The following HDAC9 variants were observed in gnomAD, a reference collection of about 807,000 sequenced individuals.
The protein encoded by HDAC9 is histone deacetylase 9.
In HDAC9, 41 loss-of-function variants were observed where a neutral mutation model predicts 139.4. The observed-to-expected ratio is 0.29, with a 90% CI of 0.23 to 0.38. The LOEUF (loss-of-function observed/expected upper bound fraction) is 0.38. Ranked by LOEUF, HDAC9 falls within the 10% of genes least tolerant of loss-of-function variation. The pLI, the probability that HDAC9 is intolerant of heterozygous loss-of-function variation, is 1.00. For missense variants in HDAC9, 1,147 were observed against 1,297.0 expected, an observed-to-expected ratio of 0.88 and a Z score of 1.78; for synonymous variants, 517 against 476.2, an observed-to-expected ratio of 1.09 and a Z score of -1.12.
intron 2 of HDAC9, among the ~76,000 whole-genome samples, chr7:18,201,770 A>G (rs1490422343): frequency 1.3e-5 from 2 of 152,174 alleles, no homozygotes; most frequent in Admixed American, 1.3e-4. Context: ...TGAAACCAAT[A>G]TTAGTATATT....
chr7:18,878,008 A>C (rs528023350), intron 22 of HDAC9, among the ~76,000 whole-genome samples: 1 of 152,250 alleles, frequency 6.6e-6, no homozygotes, highest in East Asian at 1.9e-4. Context: ...ACCTGCCCTA[A>C]ACCCAGCATC....
intron 1 of HDAC9, among the ~76,000 whole-genome samples, chr7:18,403,830 A>T (rs1048102803): frequency 5.3e-5 from 8 of 152,350 alleles, no homozygotes; most frequent in South Asian, 4.1e-4. Flanking sequence ...TATTGTAAAC[A>T]TTGGGAAAGA....
intron 3 of HDAC9, among the ~76,000 whole-genome samples, chr7:18,587,365 A>T (rs575355018): frequency 3.0e-4 from 46 of 152,348 alleles, no homozygotes; most frequent in Admixed American, 1.4e-3. Context: ...TGATTTTCCA[A>T]AATAATAATT....
chr7:18,961,969 A>G (rs1172852563), intron 24 of HDAC9, among the ~76,000 whole-genome samples: 2 of 152,160 alleles, frequency 1.3e-5, no homozygotes, highest in African/African-American at 4.8e-5. Context: ...TTTAGACAAA[A>G]TTTAAGTTAA....
chr7:18,727,482 C>T (rs1785642228), intron 12 of HDAC9, 98 bp from the exon 13 acceptor site: 6 of 990,932 alleles, frequency 6.1e-6, no homozygotes, highest in South Asian at 1.6e-5. Flanking sequence ...TTTATTATGT[C>T]TCTGACCTGA....
At chr7:18,439,894 A>T (rs1791587803) in intron 1 of HDAC9, among the ~76,000 whole-genome samples, 1 of 152,206 alleles carries the variant, frequency 6.6e-6, no homozygotes. Context: ...TGGTAAAAAA[A>T]TTCAAATCTT....
intron 1 of HDAC9, among the ~76,000 whole-genome samples, chr7:18,422,514 G>A (rs1789716106): frequency 6.6e-6 from 1 of 152,014 alleles, no homozygotes; most frequent in African/African-American, 2.4e-5. Flanking sequence ...TCTGTCCATG[G>A]ACTAATAGTG....
chr7:18,580,646 C>T (rs141527544), intron 2 of HDAC9, among the ~76,000 whole-genome samples: 288 of 152,204 alleles, frequency 1.9e-3, no homozygotes, highest in African/African-American at 6.7e-3. Context: ...CAGATTCCTT[C>T]GAAAATAACA....
intron 2 of HDAC9, among the ~76,000 whole-genome samples, chr7:18,191,173 T>C (rs925683339): frequency 6.6e-6 from 1 of 152,158 alleles, no homozygotes; most frequent in African/African-American, 2.4e-5. Flanking sequence ...ACACATTATT[T>C]TATGTTGTAT....
chr7:18,303,425 T>TGTGTG (rs1554364291), intron 1 of HDAC9, among the ~76,000 whole-genome samples: 27 of 69,190 alleles, frequency 3.9e-4, no homozygotes, highest in South Asian at 2.1e-3. Context: ...GTGTGTGTGT[T>TGTGTG]TTTAGTAGAG....
intron 24 of HDAC9, among the ~76,000 whole-genome samples, chr7:18,974,998 T>C (rs1405194230): frequency 6.6e-6 from 1 of 152,206 alleles, no homozygotes; most frequent in African/African-American, 2.4e-5. Context: ...GTGAGTCATG[T>C]CAGCACCTAG....
chr7:18,863,149 G>C (rs1461708438), intron 21 of HDAC9, among the ~76,000 whole-genome samples: 1 of 152,176 alleles, frequency 6.6e-6, no homozygotes, highest in Non-Finnish European at 1.5e-5. Context: ...AATGGGAATG[G>C]CCTTTCACTA....
At chr7:18,352,140 T>G (rs1782897362) in intron 1 of HDAC9, among the ~76,000 whole-genome samples, 1 of 152,256 alleles carries the variant, frequency 6.6e-6, no homozygotes, top group Non-Finnish European at 1.5e-5. Flanking sequence ...GTTCTTTGTG[T>G]GACCTTCAGT....
At chr7:18,890,508 A>G (rs1457766728) in intron 22 of HDAC9, among the ~76,000 whole-genome samples, 1 of 152,202 alleles carries the variant, frequency 6.6e-6, no homozygotes. Flanking sequence ...GCACACGTAA[A>G]TAGTACAGGT....
At chr7:18,939,496 G>C (rs975912738) in intron 23 of HDAC9, among the ~76,000 whole-genome samples, 2 of 152,130 alleles carry the variant, frequency 1.3e-5, no homozygotes, top group African/African-American at 4.8e-5. Context: ...AAAGAATGGA[G>C]AGTTCTTCTC....
chr7:18,324,674 A>T (rs1800300458), intron 1 of HDAC9, among the ~76,000 whole-genome samples: 1 of 152,178 alleles, frequency 6.6e-6, no homozygotes, highest in Admixed American at 6.6e-5. Context: ...CAGAATCTGC[A>T]TTCTAATAAG....
chr7:18,870,446 C>T (rs945946241), intron 21 of HDAC9, among the ~76,000 whole-genome samples: 6 of 152,068 alleles, frequency 3.9e-5, no homozygotes, highest in South Asian at 2.1e-4. Context: ...TTAGTAAAAA[C>T]GCCATAGGAC....
chr7:18,425,271 T>C (rs527838715), intron 1 of HDAC9, among the ~76,000 whole-genome samples: 1 of 152,268 alleles, frequency 6.6e-6, no homozygotes, highest in East Asian at 1.9e-4. Context: ...TTCATCCAAG[T>C]AGATATAGAA....
chr7:18,355,933 A>G lies in HDAC9; in HGVS notation c.-42+65418A>G, dbSNP rs1025823871. On this transcript the variant is annotated intron_variant, in intron 1 of 3. Transcript: ENST00000413509. ...GGGCAGGAATGGGTGGGTATTAGCC[A>G]TAAACTGGCTAGAGGGATCTTACTG... Among the ~76,000 whole-genome samples the G allele has an allele frequency of 3.3e-5, 5 of 152,284 alleles. No individual in the cohort carries two copies. The South Asian group carries it at 6.2e-4, about 19-fold the overall frequency.
Sources: allele counts gnomAD v4.1 joint callset (sites outside exome capture counted in the v4.1 genomes callset), GRCh38; gene constraint gnomAD v4.1.1; transcripts MANE v1.5; gene names NCBI Gene and HGNC (gene_info 2026-07-23, HGNC 2026-07-21).